DCDC1: variants seen among roughly 807,000 people sequenced by gnomAD.
DCDC1 encodes the protein doublecortin domain containing 1.
Under a neutral mutation model 178.3 loss-of-function variants are expected in DCDC1, and 200 were observed. The observed-to-expected ratio is 1.12, with a 90% CI of 1.00 to 1.26. The LOEUF is 1.26. DCDC1 is among the 50% of genes most tolerant of loss of function. The probability of loss-of-function intolerance (pLI) is 0.00; values close to 1 mark genes in which losing one functional copy is unlikely to be tolerated. For synonymous variants in DCDC1, 690 were observed against 604.8 expected (o/e 1.14, Z -2.07); for missense variants, 1,983 against 1,749.2 (o/e 1.13, Z -2.38).
At chr11:31,200,642 ATAT>A (rs1565421337) in intron 9 of DCDC1, among the ~76,000 whole-genome samples, 3 of 151,968 alleles carry the variant, frequency 2.0e-5, no homozygotes, top group African/African-American at 7.2e-5. Context: ...TTAAAAAATA[ATAT>A]TATTTTTTAA....
chr11:31,297,209 T>G (rs559944410), intron 6 of DCDC1, among the ~76,000 whole-genome samples: 19 of 152,200 alleles, frequency 1.2e-4, no homozygotes, highest in African/African-American at 4.6e-4. Flanking sequence ...AGGAAGAGGC[T>G]ATTCTCAAAG....
chr11:31,255,114 A>T lies in DCDC1; in HGVS notation c.1054+10393T>A, dbSNP rs929413744. On this transcript the variant is annotated intron_variant, in intron 8 of 38. Coordinates refer to ENST00000684477, the MANE Select transcript of DCDC1 (RefSeq NM_001387274.1). ...GATTCACCCATACTGTAGCATTATC[A>T]GCATTTCATTCCTTTTCATAGCTGA... is the stretch of plus-strand genomic sequence containing the variant. Among the ~76,000 whole-genome samples the T allele has an allele frequency of 2.0e-5, 3 of 152,342 alleles. No individual in the cohort carries two copies. In the South Asian group the frequency reaches 6.2e-4, roughly 32 times the overall value.
intron 27 of DCDC1, among the ~76,000 whole-genome samples, chr11:30,913,411 A>C (rs1011565264): frequency 1.3e-5 from 2 of 152,050 alleles, no homozygotes; most frequent in Admixed American, 6.5e-5. Flanking sequence ...TCTCAAAAAA[A>C]AAACAAACAA....
At chr11:30,937,595 T>C (rs1947354574) in intron 21 of DCDC1, among the ~76,000 whole-genome samples, 2 of 152,184 alleles carry the variant, frequency 1.3e-5, no homozygotes, top group South Asian at 2.1e-4. Flanking sequence ...TCTAACCTTT[T>C]TCTGACTACC....
At position 30,876,011 on chromosome 11, in the gene DCDC1, G is replaced by A. The variant is rs548531123; in HGVS notation, c.*40+2533C>T. On this transcript the variant is annotated intron_variant, in intron 38 of 38. Coordinates refer to ENST00000684477, the MANE Select transcript of DCDC1 (RefSeq NM_001387274.1). Reference sequence around the variant, plus strand: ...TTACCCTAACACTTAATCAGATTACGAAAGCTAGAGCGATGGGCAGAAAAA... The same window carrying A: ...TTACCCTAACACTTAATCAGATTACAAAAGCTAGAGCGATGGGCAGAAAAA... Among the ~76,000 whole-genome samples the A allele has an allele frequency of 2.6e-5, 4 of 152,200 alleles. No individual in the cohort carries two copies. In the South Asian group the frequency reaches 6.2e-4, roughly 24 times the overall value.
At chr11:31,295,243 T>C (rs375260914) in intron 6 of DCDC1, among the ~76,000 whole-genome samples, 1 of 152,370 alleles carries the variant, frequency 6.6e-6, no homozygotes, top group South Asian at 2.1e-4. Context: ...TTATTTTTTA[T>C]TATTCTATTG....
intron 20 of DCDC1, among the ~76,000 whole-genome samples, chr11:30,978,053 TACA>T (rs774544431): frequency 2.4e-4 from 36 of 152,352 alleles, no homozygotes; most frequent in Middle Eastern, 6.8e-3. Context: ...TCTTTTTCTG[TACA>T]ACAAGTCAGT....
intron 11 of DCDC1, among the ~76,000 whole-genome samples, chr11:31,117,492 C>T (rs1030120848): frequency 6.6e-6 from 1 of 152,026 alleles, no homozygotes; most frequent in African/African-American, 2.4e-5. Flanking sequence ...GGGTTATCTG[C>T]CAGCCCTAAT....
intron 25 of DCDC1, 66 bp downstream of exon 25, chr11:30,920,710 T>C: frequency 6.3e-7 from 1 of 1,578,102 alleles, no homozygotes; most frequent in Non-Finnish European, 8.6e-7. Flanking sequence ...TCTGTGCTGT[T>C]ATCGGGCTAA....
chr11:31,103,710 C>T lies in DCDC1; in HGVS notation c.1811G>A (p.Gly604Asp), dbSNP rs369290244. The change falls in exon 14 of 39, where the codon GGT (glycine) becomes GAT (aspartate). Residue 604 changes from glycine to aspartate, a missense_variant. Physicochemically the swap from Gly to Asp is moderately conservative, Grantham distance 94. Transcript: ENST00000684477. Reference sequence around the variant, plus strand: ...GGTCTTATATGCAACCATGATATCACCTCTGGCAAATGCACTCACTCGGTC... The same window carrying T: ...GGTCTTATATGCAACCATGATATCATCTCTGGCAAATGCACTCACTCGGTC... ...TFDRVSAFAR[G>D]DIMVAYKTFL... is the part of the protein sequence containing the mutation. 1.3e-6 allele frequency: 1 copy of T among 765,780 alleles called. No individual in the cohort carries two copies. Among genetic ancestry groups the T allele is most frequent in the Non-Finnish European group, 2.4e-6 (1 of 417,660 alleles). The allele number at this position is 765,780 out of a possible 1,614,324, so 47.4% of individuals were successfully genotyped here.
chr11:31,008,304 G>A (rs1951973827), intron 20 of DCDC1, among the ~76,000 whole-genome samples: 1 of 152,152 alleles, frequency 6.6e-6, no homozygotes, highest in Non-Finnish European at 1.5e-5. Context: ...AAGTCTGAAA[G>A]AGATGTTCTT....
chr11:30,920,888 C>A lies in DCDC1; in HGVS notation c.3181G>T (p.Ala1061Ser), dbSNP rs752165167. The A allele has an allele frequency of 8.1e-6, 13 of 1,613,002 alleles. No homozygotes were observed. Residue 1061 changes from alanine (A) to serine (S), a missense_variant, in exon 25 of 39, where the codon GCT (alanine) becomes TCT (serine). Coordinates refer to ENST00000684477, the MANE Select transcript of DCDC1 (RefSeq NM_001387274.1). ...AAAATTGCTACAGGTTTATGCACAG[C>A]AAGCTTGCTTCCAGATACAATGTCA... ...QSDIVSGSKL[A>S]VHKPVAIFGE...
intron 15 of DCDC1, among the ~76,000 whole-genome samples, chr11:31,098,373 T>C (rs1958288430): frequency 6.6e-6 from 1 of 152,184 alleles, no homozygotes; most frequent in Non-Finnish European, 1.5e-5. Context: ...GTGTAGTAGA[T>C]TCCAAATCTG....
intron 20 of DCDC1, among the ~76,000 whole-genome samples, chr11:31,031,370 A>G (rs532834872): frequency 6.6e-6 from 1 of 152,300 alleles, no homozygotes; most frequent in Non-Finnish European, 1.5e-5. Flanking sequence ...TAATGTTAAA[A>G]TATCTGAGAT....
At position 31,178,496 on chromosome 11, in the gene DCDC1, G is replaced by A. The variant is rs532837548; in HGVS notation, c.1222-40712C>T. Among the ~76,000 whole-genome samples the A allele has an allele frequency of 5.9e-5, 9 of 152,048 alleles. 1 individual carries two copies. In the South Asian group the frequency reaches 6.2e-4, roughly 11 times the overall value. On this transcript the variant is annotated intron_variant, in intron 9 of 38. Coordinates refer to ENST00000684477, the MANE Select transcript of DCDC1 (RefSeq NM_001387274.1). ...ATTTTTAAAATAAGAACTCAAAAGC[G>A]CAGACAAGTAAAAATAGACAAATGA...
chr11:30,943,212 C>T (rs1326055924), intron 21 of DCDC1: 1 of 152,270 alleles, frequency 6.6e-6, no homozygotes, highest in Non-Finnish European at 1.5e-5. Flanking sequence ...ATCTCTCTCT[C>T]ATAAGAGAGA....
intron 9 of DCDC1, among the ~76,000 whole-genome samples, chr11:31,239,861 T>C (rs1407877290): frequency 6.6e-6 from 1 of 151,906 alleles, no homozygotes; most frequent in Admixed American, 6.6e-5. Context: ...AGTATTTTTT[T>C]CTTACAATGC....
chr11:31,005,947 T>C (rs561189889), intron 20 of DCDC1, among the ~76,000 whole-genome samples: 6 of 138,920 alleles, frequency 4.3e-5, no homozygotes, highest in African/African-American at 1.4e-4. Flanking sequence ...ATAGCTCTTA[T>C]TCCTGAAAAA....
intron 36 of DCDC1, among the ~76,000 whole-genome samples, chr11:30,886,265 G>A (rs901583748): frequency 1.3e-5 from 2 of 151,776 alleles, no homozygotes; most frequent in Admixed American, 6.6e-5. Flanking sequence ...TTCCTAAATA[G>A]AAAACAGAAT....
Sources: gnomAD v4.1 joint callset for allele counts (sites outside exome capture counted in the v4.1 genomes callset) on GRCh38, gnomAD v4.1.1 for gene constraint, MANE v1.5 for transcripts, NCBI Gene and HGNC (gene_info 2026-07-23, HGNC 2026-07-21) for gene names.